The following FAF1 variants were observed in gnomAD, a reference collection of about 807,000 sequenced individuals.
FAF1 encodes Fas associated factor 1, also known as FAS-associated factor 1.
A neutral mutation model predicts 92.5 loss-of-function variants in FAF1; 25 were observed. The observed-to-expected ratio is 0.27, with a 90% confidence interval of 0.20 to 0.38. FAF1 has a LOEUF of 0.38. Ranked by LOEUF, FAF1 falls within the 10% of genes least tolerant of loss-of-function variation. FAF1 has a pLI of 1.00. For synonymous variants in FAF1, 234 were observed against 273.2 expected (o/e 0.86, Z 1.42); for missense variants, 636 against 793.3 (o/e 0.80, Z 2.38).
chr1:50,753,809 G>C (rs574361379), intron 4 of FAF1, among the ~76,000 whole-genome samples: 1 of 150,002 alleles, frequency 6.7e-6, no homozygotes, highest in African/African-American at 2.5e-5. Context: ...CCAGCCTGGA[G>C]TGTAGTGGTG....
At chr1:50,795,986 A>G (rs1297705690) in intron 3 of FAF1, among the ~76,000 whole-genome samples, 1 of 152,080 alleles carries the variant, frequency 6.6e-6, no homozygotes, top group African/African-American at 2.4e-5. Flanking sequence ...ATCAAAAAGC[A>G]GGTAAACTGA....
chr1:50,507,100 C>T (rs1480341857), intron 15 of FAF1, among the ~76,000 whole-genome samples: 1 of 152,164 alleles, frequency 6.6e-6, no homozygotes, highest in African/African-American at 2.4e-5. Context: ...ACATAATCTA[C>T]ATGCATGACA....
At chr1:50,687,719 C>T (rs529471348) in intron 7 of FAF1, among the ~76,000 whole-genome samples, 232 of 148,802 alleles carry the variant, frequency 1.6e-3, no homozygotes, top group African/African-American at 5.4e-3. Context: ...CCAGCCTGGG[C>T]GACAGAGCAA....
At chr1:50,490,404 GA>G (rs1646818550) in intron 17 of FAF1, among the ~76,000 whole-genome samples, 183 bp downstream of exon 17, 1 of 73,698 alleles carries the variant, frequency 1.4e-5, no homozygotes, top group South Asian at 5.1e-4. Flanking sequence ...AGGAAGGAAG[GA>G]AGGAAGGAAG....
intron 15 of FAF1, among the ~76,000 whole-genome samples, chr1:50,530,238 G>GGTGTGTGTGTGTGTGT (rs72220248): frequency 2.2e-4 from 31 of 141,672 alleles, no homozygotes; most frequent in African/African-American, 7.2e-4. Flanking sequence ...TTTAAGAAGT[G>GGTGTGTGTGTGTGTGT]GTGTGTGTGT....
chr1:50,580,933 G>A (rs1650962012), intron 12 of FAF1, among the ~76,000 whole-genome samples: 1 of 152,112 alleles, frequency 6.6e-6, no homozygotes, highest in South Asian at 2.1e-4. Flanking sequence ...CACCAGGCCT[G>A]GCTAATTTTT....
intron 7 of FAF1, among the ~76,000 whole-genome samples, chr1:50,658,126 T>C (rs1655207896): frequency 6.6e-6 from 1 of 152,128 alleles, no homozygotes; most frequent in African/African-American, 2.4e-5. Context: ...GTTACGTTAA[T>C]AAAAGATGAA....
chr1:50,558,017 G>T (rs1424114682), intron 13 of FAF1, among the ~76,000 whole-genome samples: 1 of 152,004 alleles, frequency 6.6e-6, no homozygotes, highest in East Asian at 1.9e-4. Context: ...GGCTCAAGCA[G>T]CCTCCCAAGT....
intron 7 of FAF1, among the ~76,000 whole-genome samples, chr1:50,674,415 T>C (rs918054358): frequency 6.6e-6 from 1 of 152,224 alleles, no homozygotes; most frequent in Non-Finnish European, 1.5e-5. Context: ...CATATATTTA[T>C]GCTTTAGTTC....
In FAF1 at chr1:50,708,266, T is replaced by A. The variant is rs74080049; in HGVS notation, c.552-2375A>T. Among the ~76,000 whole-genome samples, 1,221 of 152,306 alleles carry A rather than the reference T, an allele frequency of 8.0e-3. 14 individuals are homozygous for A. The highest frequency in any genetic ancestry group is 0.028 in the African/African-American group (1,180 of 41,554). On this transcript the variant is annotated intron_variant, in intron 6 of 18. Transcript: ENST00000396153. ...GGAAAGAAGTGACAGTAGCTTGGAC[T>A]AAGGTGGTAGAGGCACAGATGAAAA...
chr1:50,803,512 C>T (rs1028646188), intron 2 of FAF1, among the ~76,000 whole-genome samples: 4 of 152,140 alleles, frequency 2.6e-5, no homozygotes, highest in African/African-American at 7.2e-5. Flanking sequence ...AAAGTCCTAC[C>T]TTTTTGTTTC....
chr1:50,437,440 A>T lies in FAF1; in HGVS notation c.*4000T>A, dbSNP rs1338336085. The T allele has an allele frequency of 6.6e-6, 1 of 151,256 alleles. No individual in the cohort carries two copies. Among genetic ancestry groups the T allele is most frequent in the Non-Finnish European group, 1.5e-5 (1 of 67,932 alleles). 9.4% of individuals were successfully genotyped at this position (151,256 alleles called of 1,614,324 possible). On this transcript the variant is annotated 3_prime_UTR_variant, in exon 19 of 19. Coordinates refer to ENST00000396153, the MANE Select transcript of FAF1 (RefSeq NM_007051.3). ...ACTCTGATGCCTAGGCCAGAGTAGC[A>T]GTCGCACTATCATGGCTCACTGTAG...
chr1:50,651,173 A>T (rs1005855759), intron 8 of FAF1, among the ~76,000 whole-genome samples: 2 of 152,236 alleles, frequency 1.3e-5, no homozygotes, highest in Admixed American at 1.3e-4. Context: ...GTCAAAGGTT[A>T]ATGAGAAGTA....
chr1:50,885,192 G>A (rs1246664861), intron 1 of FAF1, among the ~76,000 whole-genome samples: 1 of 151,516 alleles, frequency 6.6e-6, no homozygotes, highest in Non-Finnish European at 1.5e-5. Flanking sequence ...TGTCAATATT[G>A]TTTATCTTTT....
intron 1 of FAF1, among the ~76,000 whole-genome samples, chr1:50,904,147 C>G (rs922687122): frequency 1.3e-5 from 2 of 152,044 alleles, no homozygotes; most frequent in Admixed American, 6.6e-5. Context: ...GATGAATAAA[C>G]AAAATGTGGT....
intron 4 of FAF1, among the ~76,000 whole-genome samples, chr1:50,761,051 T>C (rs950088398): frequency 8.5e-5 from 13 of 152,186 alleles, no homozygotes; most frequent in Non-Finnish European, 1.8e-4. Flanking sequence ...CAGAGAATAC[T>C]ACAAACACCT....
At chr1:50,641,291 TGACATTG>T (rs770384854) in intron 8 of FAF1, among the ~76,000 whole-genome samples, 67 of 152,328 alleles carry the variant, frequency 4.4e-4, no homozygotes, top group Admixed American at 9.8e-4. Context: ...ATTATTTCAT[TGACATTG>T]GACCGCCTTT....
At chr1:50,815,720 T>A (rs1426039446) in intron 2 of FAF1, among the ~76,000 whole-genome samples, 1 of 152,214 alleles carries the variant, frequency 6.6e-6, no homozygotes, top group Non-Finnish European at 1.5e-5. Flanking sequence ...GTTATTTTTT[T>A]ACTTTTAGTA....
chr1:50,819,740 CATATATATATACATATATATATACGTAT>C (rs1644021065), intron 2 of FAF1, among the ~76,000 whole-genome samples: 1 of 28,036 alleles, frequency 3.6e-5, no homozygotes, highest in Admixed American at 5.1e-4. Context: ...CATATATATA[CATATATATATACATATATATATACGTAT>C]ATATATATAC....
Sources: allele counts gnomAD v4.1 joint callset (sites outside exome capture counted in the v4.1 genomes callset), GRCh38; gene constraint gnomAD v4.1.1; transcripts MANE v1.5; gene names NCBI Gene and HGNC (gene_info 2026-07-23, HGNC 2026-07-21).